The following FTCDNL1 variants were observed in gnomAD, a reference collection of about 807,000 sequenced individuals.
The protein encoded by FTCDNL1 is formiminotransferase N-terminal subdomain-containing protein.
FTCDNL1 carries 11 observed loss-of-function variants against 5.9 expected under a neutral mutation model. That is an observed-to-expected ratio of 1.87 (90% CI 1.18 to 3.10). FTCDNL1 has a LOEUF of 3.10. Ranked by LOEUF, FTCDNL1 falls within the 30% of genes most tolerant of loss-of-function variation. The pLI is 0.00. For synonymous variants in FTCDNL1, 58 were observed against 24.8 expected, an observed-to-expected ratio of 2.34 and a Z score of -3.99; for missense variants, 115 against 65.5, an observed-to-expected ratio of 1.76 and a Z score of -2.61.
the FTCDNL1 span, among the ~76,000 whole-genome samples, chr2:199,744,946 A>T: frequency 6.6e-6 from 1 of 152,222 alleles, no homozygotes; most frequent in Non-Finnish European, 1.5e-5. Flanking sequence ...TTTTCCTAAG[A>T]GAACTCCTGG....
chr2:199,668,527 G>A, the FTCDNL1 span, among the ~76,000 whole-genome samples: 1 of 152,188 alleles, frequency 6.6e-6, no homozygotes, highest in South Asian at 2.1e-4. Context: ...TCTACCCTCA[G>A]AGATAAGAGG....
At chr2:199,836,095 GTA>G (rs1216763653) in intron 3 of FTCDNL1, among the ~76,000 whole-genome samples, 1 of 152,162 alleles carries the variant, frequency 6.6e-6, no homozygotes, top group Non-Finnish European at 1.5e-5. Context: ...TGGATTTCAT[GTA>G]TCCCCCCATT....
At chr2:199,792,690 C>T (rs1241328921) in intron 3 of FTCDNL1, among the ~76,000 whole-genome samples, 3 of 152,174 alleles carry the variant, frequency 2.0e-5, no homozygotes, top group East Asian at 1.9e-4. Flanking sequence ...CAGCATTTCC[C>T]TCTGATGACT....
Position 199,819,660 on chromosome 2 carries a change from C to T in FTCDNL1, c.309G>A (p.Arg103=). 1 of 702,330 alleles carries T rather than the reference C, an allele frequency of 1.4e-6. No individual in the cohort carries two copies. Among genetic ancestry groups the T allele is most frequent in the Non-Finnish European group, 2.6e-6 (1 of 384,824 alleles). The allele number at this position is 702,330 out of a possible 1,614,324, so 43.5% of individuals were successfully genotyped here. ...TCCTCGTGAACCAGCCCAGCTGCTT[C>T]CTTCTCTGCACAAGACTGCGCTTCT... is the stretch of plus-strand genomic sequence containing the variant. ...LPEKRSLVQR[R]KQLGWFTRRD... is the part of the protein sequence containing the mutation. Residue 103 remains arginine (R), a synonymous_variant, in exon 4 of 5, where the codon AGG becomes AGA. Coordinates refer to ENST00000420128, the MANE Select transcript of FTCDNL1 (RefSeq NM_001363886.2).
intron 3 of FTCDNL1, among the ~76,000 whole-genome samples, chr2:199,833,055 G>T (rs940424570): frequency 4.6e-5 from 7 of 150,924 alleles, no homozygotes; most frequent in African/African-American, 1.7e-4. Flanking sequence ...CTGCAGCCTT[G>T]CCTTCCAGAC....
At chr2:199,732,490 G>A in the FTCDNL1 span, among the ~76,000 whole-genome samples, 2 of 152,116 alleles carry the variant, frequency 1.3e-5, no homozygotes, top group African/African-American at 2.4e-5. Flanking sequence ...CAAAAAAGTA[G>A]AAATTATTTT....
intron 3 of FTCDNL1, among the ~76,000 whole-genome samples, chr2:199,769,858 C>A (rs372668598): frequency 6.6e-6 from 1 of 152,176 alleles, no homozygotes; most frequent in African/African-American, 2.4e-5. Flanking sequence ...TCTCAGTACC[C>A]AGTTTGATTG....
the FTCDNL1 span, among the ~76,000 whole-genome samples, chr2:199,742,635 C>T: frequency 2.6e-5 from 4 of 152,078 alleles, no homozygotes; most frequent in South Asian, 2.1e-4. Flanking sequence ...TGATTTCAAC[C>T]GCCATATGAT....
chr2:199,724,678 T>C, the FTCDNL1 span, among the ~76,000 whole-genome samples: 9 of 152,170 alleles, frequency 5.9e-5, no homozygotes, highest in African/African-American at 9.7e-5. Flanking sequence ...TCAATTTCCA[T>C]GTAGTTGTGT....
At chr2:199,684,270 ATCT>A in the FTCDNL1 span, among the ~76,000 whole-genome samples, 3 of 152,194 alleles carry the variant, frequency 2.0e-5, no homozygotes, top group African/African-American at 7.2e-5. Context: ...CATTAGACAA[ATCT>A]TCTGTCTGCT....
intron 3 of FTCDNL1, among the ~76,000 whole-genome samples, chr2:199,804,238 A>C (rs1700609696): frequency 6.6e-6 from 1 of 152,218 alleles, no homozygotes; most frequent in South Asian, 2.1e-4. Context: ...GTACCTAAGA[A>C]GTTAGGAAAC....
At chr2:199,699,646 C>T in the FTCDNL1 span, among the ~76,000 whole-genome samples, 2 of 152,082 alleles carry the variant, frequency 1.3e-5, no homozygotes, top group Non-Finnish European at 2.9e-5. Context: ...CACCAAAATC[C>T]TCAACAAAAT....
intron 3 of FTCDNL1, among the ~76,000 whole-genome samples, chr2:199,795,880 C>T (rs547010516): frequency 6.6e-5 from 10 of 152,152 alleles, no homozygotes; most frequent in African/African-American, 2.2e-4. Context: ...TCGGTAAATG[C>T]TATTATCTCT....
At chr2:199,822,040 T>C (rs1297647529) in intron 3 of FTCDNL1, among the ~76,000 whole-genome samples, 1 of 152,240 alleles carries the variant, frequency 6.6e-6, no homozygotes, top group African/African-American at 2.4e-5. Flanking sequence ...ATGTTTATAT[T>C]ATACTGTAAT....
chr2:199,838,940 C>T lies in FTCDNL1; in HGVS notation c.211+7135G>A, dbSNP rs117362543. 1.2e-4 allele frequency among the ~76,000 whole-genome samples: 18 copies of T among 152,188 alleles called. No individual in the cohort carries two copies. In the East Asian group the frequency reaches 3.1e-3, roughly 26 times the overall value. On this transcript the variant is annotated intron_variant, in intron 3 of 4. Transcript: ENST00000420128. ...AAACACTGGCAGTGGTGTCTCCACT[C>T]GAGGCTGGACACTGGAAGATCCTCC...
chr2:199,681,178 G>T, the FTCDNL1 span, among the ~76,000 whole-genome samples: 1 of 151,554 alleles, frequency 6.6e-6, no homozygotes. Flanking sequence ...TTTCAGCCAG[G>T]CGTGGTGGCT....
At chr2:199,716,321 C>T in the FTCDNL1 span, among the ~76,000 whole-genome samples, 1 of 152,176 alleles carries the variant, frequency 6.6e-6, no homozygotes. Context: ...TGTTCTAGGT[C>T]CAGCTCAGCC....
chr2:199,847,175 T>C (rs1284813205), intron 2 of FTCDNL1, among the ~76,000 whole-genome samples: 1 of 152,108 alleles, frequency 6.6e-6, no homozygotes, highest in Non-Finnish European at 1.5e-5. Context: ...ACCTAAGACC[T>C]TTCTAGGCCA....
chr2:199,821,107 G>A (rs533041350), intron 3 of FTCDNL1, among the ~76,000 whole-genome samples: 4 of 152,262 alleles, frequency 2.6e-5, no homozygotes, highest in Middle Eastern at 6.8e-3. Flanking sequence ...GGGTACCACT[G>A]GGGTGTAAAA....
Sources: allele counts gnomAD v4.1 joint callset (sites outside exome capture counted in the v4.1 genomes callset), GRCh38; gene constraint gnomAD v4.1.1; transcripts MANE v1.5; gene names NCBI Gene and HGNC (gene_info 2026-07-23, HGNC 2026-07-21).